KSR2: variants seen among roughly 807,000 people sequenced by gnomAD.
The protein encoded by KSR2 is kinase suppressor of ras 2.
Under a neutral mutation model 107.8 loss-of-function variants are expected in KSR2, and 25 were observed. That is an observed-to-expected ratio of 0.23 (90% CI 0.17 to 0.32). The LOEUF (loss-of-function observed/expected upper bound fraction) is 0.32. KSR2 is among the 10% of genes least tolerant of loss of function. The pLI, the probability that KSR2 is intolerant of heterozygous loss-of-function variation, is 1.00. For missense variants in KSR2, 887 were observed against 1,268.9 expected, an observed-to-expected ratio of 0.70 and a Z score of 4.57; for synonymous variants, 480 against 507.0, an observed-to-expected ratio of 0.95 and a Z score of 0.71.
intron 4 of KSR2, among the ~76,000 whole-genome samples, chr12:117,754,573 G>A (rs1888722260): frequency 6.6e-6 from 1 of 152,024 alleles, no homozygotes; most frequent in Non-Finnish European, 1.5e-5. Context: ...AGGAGGCAGA[G>A]GTTGCAGTGG....
At chr12:117,731,236 C>T (rs1395937471) in intron 4 of KSR2, among the ~76,000 whole-genome samples, 15 of 146,236 alleles carry the variant, frequency 1.0e-4, no homozygotes, top group South Asian at 2.3e-4. Flanking sequence ...TCTGCCCAGC[C>T]GCCCCGTCTG....
intron 12 of KSR2, among the ~76,000 whole-genome samples, chr12:117,528,639 T>C (rs1018124106): frequency 6.6e-6 from 1 of 152,220 alleles, no homozygotes; most frequent in Non-Finnish European, 1.5e-5. Context: ...CAATTATTCA[T>C]AGCACAGCCT....
intron 1 of KSR2, among the ~76,000 whole-genome samples, chr12:117,874,229 AT>A (rs982186418): frequency 3.3e-5 from 5 of 150,210 alleles, no homozygotes; most frequent in South Asian, 2.1e-4. Context: ...TGAGTGTTAG[AT>A]TTTTTTTTTC....
At position 117,868,159 on chromosome 12, in the gene KSR2, G is replaced by A. The variant is rs556163408; in HGVS notation, c.181-7728C>T. ...CAATAAAAATACGGCCGGGCACAGT[G>A]GCTCATGCCTGTAATCCCAGCACTT... On this transcript the variant is annotated intron_variant, in intron 1 of 19. Transcript: ENST00000339824. Among the ~76,000 whole-genome samples the A allele has an allele frequency of 2.6e-5, 4 of 152,308 alleles. No individual in the cohort carries two copies. In the South Asian group the frequency reaches 6.2e-4, roughly 24 times the overall value.
At chr12:117,594,036 T>G (rs1880489423) in intron 5 of KSR2, among the ~76,000 whole-genome samples, 1 of 152,224 alleles carries the variant, frequency 6.6e-6, no homozygotes, top group African/African-American at 2.4e-5. Flanking sequence ...CATCAATTAC[T>G]TACATATTTA....
chr12:117,488,434 C>T (rs536806709), intron 14 of KSR2, among the ~76,000 whole-genome samples: 38 of 152,240 alleles, frequency 2.5e-4, no homozygotes, highest in African/African-American at 7.7e-4. Context: ...TCCCCAATTC[C>T]GTATGTTGAA....
chr12:117,570,178 AT>A (rs1419050761), intron 7 of KSR2, among the ~76,000 whole-genome samples: 2 of 151,782 alleles, frequency 1.3e-5, no homozygotes, highest in Non-Finnish European at 2.9e-5. Context: ...AATTTTTTGT[AT>A]TTTCAGTAGA....
intron 3 of KSR2, among the ~76,000 whole-genome samples, chr12:117,807,933 C>T (rs1361857005): frequency 6.6e-6 from 1 of 152,242 alleles, no homozygotes; most frequent in Non-Finnish European, 1.5e-5. Flanking sequence ...ATGTCTCCTT[C>T]TTTGAGCTCC....
rs751333685 is a variant in KSR2, at chr12:117,567,352, G to A, written c.1326-8779C>T. ...AATGAGTGGGCACATGACCTGCCAC[G>A]GGGATTGATGGCTCGGAGAAGCTGC... On this transcript the variant is annotated intron_variant, in intron 7 of 19. Coordinates refer to ENST00000339824, the MANE Select transcript of KSR2 (RefSeq NM_173598.6). Among the ~76,000 whole-genome samples the A allele has an allele frequency of 8.5e-5, 13 of 152,096 alleles. 1 individual carries two copies. Among genetic ancestry groups the A allele is most frequent in the African/African-American group, 2.4e-4 (10 of 41,412 alleles).
chr12:117,521,479 G>A (rs978716438), intron 14 of KSR2, among the ~76,000 whole-genome samples: 1 of 152,148 alleles, frequency 6.6e-6, no homozygotes, highest in Non-Finnish European at 1.5e-5. Context: ...GCAGACCGTC[G>A]ATAGCTTTGC....
intron 3 of KSR2, among the ~76,000 whole-genome samples, chr12:117,780,831 C>T (rs1889858449): frequency 6.6e-6 from 1 of 152,198 alleles, no homozygotes; most frequent in Non-Finnish European, 1.5e-5. Context: ...TAGCACACAT[C>T]TGGAAGAAGA....
At chr12:117,496,787 C>A (rs1349131301) in intron 14 of KSR2, among the ~76,000 whole-genome samples, 2 of 151,468 alleles carry the variant, frequency 1.3e-5, no homozygotes, top group Non-Finnish European at 2.9e-5. Flanking sequence ...GTAAAAAAAA[C>A]AAAACAACAA....
intron 3 of KSR2, among the ~76,000 whole-genome samples, chr12:117,766,800 A>G (rs1889244152): frequency 6.8e-6 from 1 of 147,012 alleles, no homozygotes; most frequent in Non-Finnish European, 1.5e-5. Context: ...AGAGAACAGC[A>G]GGGTCAAAGG....
At chr12:117,649,626 G>A (rs1300252734) in intron 5 of KSR2, among the ~76,000 whole-genome samples, 7 of 152,156 alleles carry the variant, frequency 4.6e-5, no homozygotes, top group African/African-American at 1.7e-4. Flanking sequence ...GATAAGATCT[G>A]AACCCAGGCT....
chr12:117,456,884 C>G lies in KSR2; in HGVS notation c.*10315G>C, dbSNP rs757301065. The G allele has an allele frequency of 1.3e-5, 2 of 152,222 alleles. No individual in the cohort carries two copies. The highest frequency in any genetic ancestry group is 2.4e-5 in the African/African-American group (1 of 41,432). The allele number at this position is 152,222 out of a possible 1,614,324, so 9.4% of individuals were successfully genotyped here. ...TTGCTACCAGAGACAGCCATTCTAA[C>G]CCGGCCTGACTCTCTTCTTCACAGT... is the stretch of plus-strand genomic sequence containing the variant. On this transcript the variant is annotated 3_prime_UTR_variant, in exon 20 of 20. Transcript: ENST00000339824.
intron 2 of KSR2, 74 bp from the exon 3 acceptor site, chr12:117,855,652 T>G: frequency 6.8e-7 from 1 of 1,475,750 alleles, no homozygotes; most frequent in Non-Finnish European, 9.4e-7. Flanking sequence ...CCTGTAGTGG[T>G]GCCTAGAGGA....
rs1468782132 is a variant in KSR2, at chr12:117,842,140, G to A, written c.472+13288C>T. On this transcript the variant is annotated intron_variant, in intron 3 of 19. Coordinates refer to ENST00000339824, the MANE Select transcript of KSR2 (RefSeq NM_173598.6). The surrounding 1 kb of genome is among the most constrained non-coding windows in gnomAD (Gnocchi z 4.2). Reference sequence around the variant, plus strand: ...ACTGGCTGAAGCAGGAACTCTGGGAGTGGAACCCTCTGGGGGATTCTGATA... The same window carrying A: ...ACTGGCTGAAGCAGGAACTCTGGGAATGGAACCCTCTGGGGGATTCTGATA... Among the ~76,000 whole-genome samples the A allele has an allele frequency of 6.6e-6, 1 of 152,242 alleles. No individual in the cohort carries two copies. The highest frequency in any genetic ancestry group is 1.5e-5 in the Non-Finnish European group (1 of 68,044).
intron 4 of KSR2, among the ~76,000 whole-genome samples, chr12:117,688,547 G>A (rs183667885): frequency 1.3e-5 from 2 of 152,224 alleles, no homozygotes; most frequent in East Asian, 3.9e-4. Flanking sequence ...ATTCTACACC[G>A]ATAACATCAG....
chr12:117,596,565 C>T (rs1206924222), intron 5 of KSR2, among the ~76,000 whole-genome samples: 4 of 152,122 alleles, frequency 2.6e-5, no homozygotes, highest in East Asian at 1.9e-4. Context: ...CTCCTACAAA[C>T]GAGTCATTTA....
Sources: gnomAD v4.1 joint callset for allele counts (sites outside exome capture counted in the v4.1 genomes callset) on GRCh38, gnomAD v4.1.1 for gene constraint, Gnocchi (gnomAD v3.1) non-coding constraint, MANE v1.5 for transcripts, NCBI Gene and HGNC (gene_info 2026-07-23, HGNC 2026-07-21) for gene names.